LGSN: variants seen among roughly 807,000 people sequenced by gnomAD.
LGSN encodes lengsin.
In LGSN, 21 loss-of-function variants were observed where a neutral mutation model predicts 19.5. The ratio of observed to expected loss-of-function variants is 1.07; its 90% CI spans 0.76 to 1.55. LGSN has a LOEUF of 1.55. LGSN is among the 40% of genes most tolerant of loss of function. The pLI, the probability that LGSN is intolerant of heterozygous loss-of-function variation, is 0.00. For synonymous variants in LGSN, 257 were observed against 215.6 expected, an observed-to-expected ratio of 1.19 and a Z score of -1.68; for missense variants, 673 against 608.5, an observed-to-expected ratio of 1.11 and a Z score of -1.12.
chr6:63,286,674 G>A (rs1767550003), intron 2 of LGSN, among the ~76,000 whole-genome samples: 1 of 152,172 alleles, frequency 6.6e-6, no homozygotes, highest in South Asian at 2.1e-4. Context: ...CAGGCAAATA[G>A]TACACATTAT....
At chr6:63,432,789 G>C in the LGSN span, among the ~76,000 whole-genome samples, 1 of 151,900 alleles carries the variant, frequency 6.6e-6, no homozygotes, top group African/African-American at 2.4e-5. Context: ...AAACCCAAAA[G>C]ATTACTGAAT....
chr6:63,418,752 G>A, the LGSN span, among the ~76,000 whole-genome samples: 1 of 151,954 alleles, frequency 6.6e-6, no homozygotes, highest in African/African-American at 2.4e-5. Flanking sequence ...AAAGTGTATA[G>A]ACTAAAAAGC....
the LGSN span, among the ~76,000 whole-genome samples, chr6:63,446,368 A>C: frequency 6.6e-6 from 1 of 151,684 alleles, no homozygotes; most frequent in East Asian, 1.9e-4. Flanking sequence ...CAAACATACC[A>C]AGCACATTCC....
At chr6:63,535,086 G>T in the LGSN span, among the ~76,000 whole-genome samples, 1 of 151,982 alleles carries the variant, frequency 6.6e-6, no homozygotes, top group South Asian at 2.1e-4. Flanking sequence ...ATAATTGTAA[G>T]AATGTTAACA....
At chr6:63,384,362 G>C in the LGSN span, among the ~76,000 whole-genome samples, 1 of 152,206 alleles carries the variant, frequency 6.6e-6, no homozygotes, top group Non-Finnish European at 1.5e-5. Context: ...GACATGAGGG[G>C]AGATGATATG....
At chr6:63,340,741 A>G in the LGSN span, among the ~76,000 whole-genome samples, 2 of 148,926 alleles carry the variant, frequency 1.3e-5, no homozygotes, top group Non-Finnish European at 3.0e-5. Context: ...ATTATTTTGA[A>G]TTTCTTAGGC....
At chr6:63,359,405 A>G in the LGSN span, among the ~76,000 whole-genome samples, 1 of 152,160 alleles carries the variant, frequency 6.6e-6, no homozygotes, top group African/African-American at 2.4e-5. Context: ...TTCAGAAGGA[A>G]TGGTACCAGG....
the LGSN span, among the ~76,000 whole-genome samples, chr6:63,505,302 C>T: frequency 2.4e-4 from 36 of 151,606 alleles, no homozygotes; most frequent in South Asian, 6.0e-3. Flanking sequence ...TAAAGCCGGG[C>T]GTAGTGTCTC....
chr6:63,564,903 T>A, the LGSN span, among the ~76,000 whole-genome samples: 2 of 152,244 alleles, frequency 1.3e-5, no homozygotes, highest in African/African-American at 4.8e-5. Flanking sequence ...AGTCATGAGT[T>A]ATGGATAGAT....
chr6:63,281,074 C>CA lies in LGSN; in HGVS notation c.476dup (p.Leu159PhefsTer5). On this transcript the variant is annotated frameshift_variant, in exon 4 of 4. Transcript: ENST00000370657. LOFTEE classifies it low-confidence loss of function (END_TRUNC). ...CTCTTGCAGTTCTGTCAGCCCATGGCAAAACTCTAAAGGTTGATAACTCTG... is the reference window on the plus strand; with the variant it reads ...CTCTTGCAGTTCTGTCAGCCCATGGCAAAAACTCTAAAGGTTGATAACTCTG... The CA allele has an allele frequency of 6.2e-7, 1 of 1,613,738 alleles. No individual in the cohort carries two copies. The highest frequency in any genetic ancestry group is 8.5e-7 in the Non-Finnish European group (1 of 1,179,938).
At chr6:63,420,046 C>A in the LGSN span, among the ~76,000 whole-genome samples, 2 of 149,862 alleles carry the variant, frequency 1.3e-5, no homozygotes, top group African/African-American at 2.5e-5. Context: ...ACTAAAAATA[C>A]AAAAAAATTA....
Position 63,282,807 on chromosome 6 carries a change from A to G in LGSN, c.331-1587T>C, listed in dbSNP as rs569760449. Among the ~76,000 whole-genome samples the G allele has an allele frequency of 4.6e-5, 7 of 152,296 alleles. No homozygotes were observed. The East Asian group carries it at 1.3e-3, about 29-fold the overall frequency. On this transcript the variant is annotated intron_variant, in intron 3 of 3. Coordinates refer to ENST00000370657, the MANE Select transcript of LGSN (RefSeq NM_016571.3). ...ATGTAAACTTTATACACACGCACAC[A>G]CACACACACGCTTACTGTGGGATAT...
chr6:63,331,082 G>GT, the LGSN span, among the ~76,000 whole-genome samples: 1 of 152,166 alleles, frequency 6.6e-6, no homozygotes, highest in African/African-American at 2.4e-5. Flanking sequence ...AGCCCGGGGG[G>GT]TTTTGTGGTC....
the LGSN span, among the ~76,000 whole-genome samples, chr6:63,392,973 G>A: frequency 8.0e-5 from 11 of 137,382 alleles, no homozygotes; most frequent in Admixed American, 2.4e-4. Flanking sequence ...TGCAAGCTCC[G>A]CCTCCCGGGT....
At chr6:63,498,868 G>A in the LGSN span, among the ~76,000 whole-genome samples, 2 of 152,010 alleles carry the variant, frequency 1.3e-5, no homozygotes, top group East Asian at 3.9e-4. Context: ...CCAAAGAGAT[G>A]TAGAAAGCAA....
At chr6:63,567,217 G>T in the LGSN span, among the ~76,000 whole-genome samples, 11 of 152,146 alleles carry the variant, frequency 7.2e-5, no homozygotes, top group Admixed American at 5.2e-4. Flanking sequence ...ATGGCATCTA[G>T]AATCCTTTCC....
chr6:63,343,299 C>T, the LGSN span, among the ~76,000 whole-genome samples: 1 of 152,118 alleles, frequency 6.6e-6, no homozygotes, highest in Non-Finnish European at 1.5e-5. Flanking sequence ...TTATTATTTC[C>T]TAGTTACTTT....
chr6:63,286,499 A>C (rs1487446989), intron 2 of LGSN, among the ~76,000 whole-genome samples: 1 of 152,220 alleles, frequency 6.6e-6, no homozygotes, highest in Non-Finnish European at 1.5e-5. Context: ...TAAATCATCT[A>C]ATCTAACCAA....
At chr6:63,556,706 C>T in the LGSN span, among the ~76,000 whole-genome samples, 1 of 152,200 alleles carries the variant, frequency 6.6e-6, no homozygotes, top group South Asian at 2.1e-4. Context: ...ATTCCTGAGT[C>T]ACTGATACTG....
Sources: gnomAD v4.1 joint callset for allele counts (sites outside exome capture counted in the v4.1 genomes callset) on GRCh38, gnomAD v4.1.1 for gene constraint, MANE v1.5 for transcripts, NCBI Gene and HGNC (gene_info 2026-07-23, HGNC 2026-07-21) for gene names.